NAALADL2: variants seen among roughly 807,000 people sequenced by gnomAD.
The protein encoded by NAALADL2 is inactive N-acetylated-alpha-linked acidic dipeptidase-like protein 2.
NAALADL2 carries 76 observed loss-of-function variants against 87.2 expected under a neutral mutation model. That is an observed-to-expected ratio of 0.87 (90% CI 0.72 to 1.05). NAALADL2 has a LOEUF of 1.05. Among genes scored for constraint, NAALADL2 ranks in the 50% least tolerant of loss-of-function variants. The probability of loss-of-function intolerance (pLI) is 0.00; values close to 1 mark genes in which losing one functional copy is unlikely to be tolerated. For missense variants in NAALADL2, 1,089 were observed against 945.8 expected (o/e 1.15, Z -1.99); for synonymous variants, 354 against 331.0 (o/e 1.07, Z -0.75).
At chr3:174,894,833 C>T (rs1441905190) in intron 1 of NAALADL2, among the ~76,000 whole-genome samples, 1 of 151,896 alleles carries the variant, frequency 6.6e-6, no homozygotes, top group African/African-American at 2.4e-5. Flanking sequence ...TAATATCAAA[C>T]ATCTTCTCTG....
chr3:174,830,809 A>T (rs1020970376), intron 3 of NAALADL2, among the ~76,000 whole-genome samples: 109 of 152,212 alleles, frequency 7.2e-4, no homozygotes, highest in Non-Finnish European at 1.4e-3. Flanking sequence ...GTTCTCCTTG[A>T]AGAGGTCCTT....
At chr3:174,786,462 AAAAAT>A (rs1560224243) in intron 3 of NAALADL2, among the ~76,000 whole-genome samples, 1 of 127,912 alleles carries the variant, frequency 7.8e-6, no homozygotes, top group Non-Finnish European at 1.7e-5. Flanking sequence ...AAAAAAAAAA[AAAAAT>A]AATAAATAAA....
At chr3:175,120,074 T>C (rs1725928540) in intron 2 of NAALADL2, among the ~76,000 whole-genome samples, 1 of 151,256 alleles carries the variant, frequency 6.6e-6, no homozygotes, top group African/African-American at 2.4e-5. Flanking sequence ...TGATGGTATT[T>C]AGATGTACCG....
chr3:174,550,670 T>G (rs1712015604), intron 2 of NAALADL2: 1 of 152,020 alleles, frequency 6.6e-6, no homozygotes, highest in Admixed American at 6.5e-5. Context: ...TTATCCAGGA[T>G]AAAGGCAGAG....
chr3:175,298,788 T>G lies in NAALADL2; in HGVS notation c.940-25387T>G, dbSNP rs186018896. On this transcript the variant is annotated intron_variant, in intron 4 of 13. Transcript: ENST00000454872. ...TTAACCAAGAAAACAGTTTTGAGGC[T>G]TATAAGAACTTTCATGTATATGGAA... 5.3e-5 allele frequency among the ~76,000 whole-genome samples: 8 copies of G among 152,260 alleles called. No homozygotes were observed. The East Asian group carries it at 1.5e-3, about 29-fold the overall frequency.
At chr3:175,756,783 C>T (rs895691462) in intron 13 of NAALADL2, among the ~76,000 whole-genome samples, 2 of 151,904 alleles carry the variant, frequency 1.3e-5, no homozygotes, top group African/African-American at 2.4e-5. Flanking sequence ...AACAAACCTG[C>T]ACATATACCT....
chr3:175,507,304 C>A (rs912725278), intron 9 of NAALADL2, among the ~76,000 whole-genome samples: 15 of 152,142 alleles, frequency 9.9e-5, no homozygotes, highest in Non-Finnish European at 2.1e-4. Flanking sequence ...AAAATTTTTG[C>A]TCCTGCATTG....
chr3:174,902,589 A>T (rs572643227), intron 1 of NAALADL2, among the ~76,000 whole-genome samples: 2 of 152,282 alleles, frequency 1.3e-5, no homozygotes, highest in Admixed American at 1.3e-4. Context: ...CTATTAATAG[A>T]GGTTAAATAT....
intron 2 of NAALADL2, among the ~76,000 whole-genome samples, chr3:174,576,212 C>T (rs1715515711): frequency 6.6e-6 from 1 of 151,392 alleles, no homozygotes; most frequent in African/African-American, 2.4e-5. Flanking sequence ...ACTCTAGGAG[C>T]CAAATGGAAA....
At chr3:175,656,269 T>C (rs1452526445) in intron 11 of NAALADL2, among the ~76,000 whole-genome samples, 1 of 152,222 alleles carries the variant, frequency 6.6e-6, no homozygotes, top group Non-Finnish European at 1.5e-5. Flanking sequence ...CAGAGACGTT[T>C]GTCTCAGAAT....
intron 11 of NAALADL2, among the ~76,000 whole-genome samples, chr3:175,694,581 A>G (rs1737488644): frequency 6.6e-6 from 1 of 152,148 alleles, no homozygotes; most frequent in South Asian, 2.1e-4. Context: ...CAGGAATTCC[A>G]ATGCTATATA....
At chr3:175,626,312 A>G (rs1432463702) in intron 10 of NAALADL2, among the ~76,000 whole-genome samples, 30 of 151,932 alleles carry the variant, frequency 2.0e-4, no homozygotes, top group Admixed American at 2.0e-3. Flanking sequence ...TCTTCTGGGT[A>G]CTTTCTCTAG....
At chr3:174,456,773 A>G (rs962711935) in intron 1 of NAALADL2, among the ~76,000 whole-genome samples, 9 of 152,198 alleles carry the variant, frequency 5.9e-5, no homozygotes, top group Non-Finnish European at 8.8e-5. Flanking sequence ...ACCCTGGAAC[A>G]CAACCTAGGC....
intron 1 of NAALADL2, among the ~76,000 whole-genome samples, chr3:175,084,339 C>T (rs78993939): frequency 0.016 from 2,434 of 152,136 alleles, 63 homozygotes; most frequent in African/African-American, 0.054. Context: ...GATCAGCTGC[C>T]GGCAAGTTGG....
chr3:175,803,034 C>G lies in NAALADL2; in HGVS notation c.2219C>G (p.Thr740Arg). The change falls in exon 14 of 14, where the codon ACA becomes AGA. Residue 740 changes from threonine (T) to arginine (R), a missense_variant. Coordinates refer to ENST00000454872, the MANE Select transcript of NAALADL2 (RefSeq NM_207015.3). ...RNILYHLDEK[T>R]SRFSILIEAW... ...ATCCTCTACCACCTTGATGAAAAGA[C>G]AAGCCGGTTTTCAATACTTATAGAG... 2.5e-6 allele frequency: 4 copies of G among 1,611,934 alleles called. No individual in the cohort carries two copies. Among genetic ancestry groups the G allele is most frequent in the Non-Finnish European group, 3.4e-6 (4 of 1,178,632 alleles).
At position 175,418,050 on chromosome 3, in the gene NAALADL2, C is replaced by T. The variant is rs546347816; in HGVS notation, c.1091-29179C>T. On this transcript the variant is annotated intron_variant, in intron 5 of 13. Coordinates refer to ENST00000454872, the MANE Select transcript of NAALADL2 (RefSeq NM_207015.3). ...TGAGGAGAGATAGCTGGGAATTCTC[C>T]ATTGGCTGGGTTTGGGAAGAGTTTG... Among the ~76,000 whole-genome samples the T allele has an allele frequency of 1.6e-4, 24 of 152,084 alleles. No homozygotes were observed. The South Asian group carries it at 5.0e-3, about 32-fold the overall frequency.
intron 2 of NAALADL2, among the ~76,000 whole-genome samples, chr3:175,158,777 GA>G: frequency 6.6e-6 from 1 of 152,096 alleles, no homozygotes; most frequent in East Asian, 1.9e-4. Context: ...GAAAAAATAG[GA>G]GAAATAGAGT....
At chr3:174,676,032 T>C (rs1727005369) in intron 2 of NAALADL2, among the ~76,000 whole-genome samples, 1 of 152,104 alleles carries the variant, frequency 6.6e-6, no homozygotes, top group East Asian at 1.9e-4. Flanking sequence ...TGCATTCTGA[T>C]TCATGATGAA....
At position 175,148,353 on chromosome 3, in the gene NAALADL2, T is replaced by A. The variant is rs1403459569; in HGVS notation, c.545+51062T>A. On this transcript the variant is annotated intron_variant, in intron 2 of 13. Transcript: ENST00000454872. ...CTCTGGATATTAGATCTTTGTGGGATACTTAATTTGTGACTATTTTCTTCA... is the reference window on the plus strand; with the variant it reads ...CTCTGGATATTAGATCTTTGTGGGAAACTTAATTTGTGACTATTTTCTTCA... Among the ~76,000 whole-genome samples the A allele has an allele frequency of 2.6e-5, 4 of 152,018 alleles. No individual in the cohort carries two copies. The East Asian group carries it at 7.7e-4, about 29-fold the overall frequency.
Sources: gnomAD v4.1 joint callset for allele counts (sites outside exome capture counted in the v4.1 genomes callset) on GRCh38, gnomAD v4.1.1 for gene constraint, MANE v1.5 for transcripts, NCBI Gene and HGNC (gene_info 2026-07-23, HGNC 2026-07-21) for gene names.